The following KCNIP4 variants were observed in gnomAD, a reference collection of about 807,000 sequenced individuals.
KCNIP4 encodes the protein Kv channel-interacting protein 4.
Under a neutral mutation model 34.0 loss-of-function variants are expected in KCNIP4, and 12 were observed. The observed-to-expected ratio is 0.35, with a 90% CI of 0.23 to 0.57. KCNIP4 has a LOEUF of 0.57. Ranked by LOEUF, KCNIP4 falls within the 20% of genes least tolerant of loss-of-function variation. The pLI, the probability that KCNIP4 is intolerant of heterozygous loss-of-function variation, is 0.83. For synonymous variants in KCNIP4, 124 were observed against 102.2 expected (o/e 1.21, Z -1.29); for missense variants, 238 against 311.7 (o/e 0.76, Z 1.78).
chr4:21,942,439 T>C (rs112402860), intron 1 of KCNIP4, among the ~76,000 whole-genome samples: 87 of 152,310 alleles, frequency 5.7e-4, no homozygotes, highest in African/African-American at 1.5e-3. Flanking sequence ...AAAGATGACA[T>C]TGATGACTGC....
At chr4:21,521,260 T>C (rs1735500294) in intron 1 of KCNIP4, among the ~76,000 whole-genome samples, 1 of 152,192 alleles carries the variant, frequency 6.6e-6, no homozygotes, top group African/African-American at 2.4e-5. Flanking sequence ...TGTAATTTAA[T>C]ATAAACTCTC....
At chr4:21,660,876 T>C (rs185102364) in intron 1 of KCNIP4, among the ~76,000 whole-genome samples, 48 of 152,242 alleles carry the variant, frequency 3.2e-4, no homozygotes, top group African/African-American at 1.1e-3. Flanking sequence ...GAAATACTGG[T>C]TAGAAAAGGG....
intron 1 of KCNIP4, among the ~76,000 whole-genome samples, chr4:21,557,431 G>A (rs1739157323): frequency 1.3e-5 from 2 of 152,248 alleles, no homozygotes; most frequent in South Asian, 2.1e-4. Context: ...ACATGGCTAT[G>A]TAAAAAACAT....
At chr4:21,755,319 C>A (rs796318755) in intron 1 of KCNIP4, among the ~76,000 whole-genome samples, 37 of 152,254 alleles carry the variant, frequency 2.4e-4, no homozygotes, top group African/African-American at 7.2e-4. Flanking sequence ...ATAAATGTAA[C>A]GTTTCTGGCA....
chr4:21,437,976 T>C (rs373502735), intron 1 of KCNIP4, among the ~76,000 whole-genome samples: 29 of 152,152 alleles, frequency 1.9e-4, no homozygotes, highest in African/African-American at 7.0e-4. Flanking sequence ...GCTCTTGTTA[T>C]TTTAGTTCAT....
At chr4:20,734,790 A>G (rs1749182372) in intron 5 of KCNIP4, 55 bp from the exon 6 acceptor site, 3 of 1,068,508 alleles carry the variant, frequency 2.8e-6, no homozygotes, top group East Asian at 2.5e-5. Context: ...AACAAAAACA[A>G]AAAAAACAAA....
intron 1 of KCNIP4, among the ~76,000 whole-genome samples, chr4:21,724,947 C>T (rs1308395624): frequency 1.3e-5 from 2 of 152,076 alleles, no homozygotes; most frequent in African/African-American, 4.8e-5. Flanking sequence ...TTTGAGCTTC[C>T]TCTACTCAGT....
chr4:21,414,263 A>G (rs1401069189), intron 1 of KCNIP4, among the ~76,000 whole-genome samples: 2 of 152,210 alleles, frequency 1.3e-5, no homozygotes, highest in Non-Finnish European at 1.5e-5. Flanking sequence ...AGATGTATAC[A>G]TATCTTAGAG....
chr4:21,488,328 T>C (rs548612095), intron 1 of KCNIP4, among the ~76,000 whole-genome samples: 3 of 152,284 alleles, frequency 2.0e-5, no homozygotes, highest in African/African-American at 7.2e-5. Flanking sequence ...GATTCCAGTA[T>C]ACATCTATAG....
At chr4:21,784,195 C>T (rs1719753344) in intron 1 of KCNIP4, among the ~76,000 whole-genome samples, 1 of 152,086 alleles carries the variant, frequency 6.6e-6, no homozygotes, top group African/African-American at 2.4e-5. Flanking sequence ...TGAGAACCCA[C>T]TCACTATCAC....
chr4:21,105,964 T>C (rs532989824), intron 1 of KCNIP4, among the ~76,000 whole-genome samples: 56 of 151,602 alleles, frequency 3.7e-4, no homozygotes, highest in Middle Eastern at 3.4e-3. Context: ...TCATGGTGGA[T>C]AAGCTTTTTG....
Position 20,784,761 on chromosome 4 carries a change from T to C in KCNIP4, c.289-25871A>G, listed in dbSNP as rs536846872. ...TTTCTTGCTGTCAGTTGGCTCACAATCGAGTGGAAAGCAAAGATGCATTCA... is the reference window on the plus strand; with the variant it reads ...TTTCTTGCTGTCAGTTGGCTCACAACCGAGTGGAAAGCAAAGATGCATTCA... On this transcript the variant is annotated intron_variant, in intron 3 of 8. Transcript: ENST00000382152. Among the ~76,000 whole-genome samples the C allele has an allele frequency of 7.4e-4, 112 of 152,218 alleles. No homozygotes were observed. In the South Asian group the frequency reaches 9.3e-3, roughly 13 times the overall value.
chr4:20,786,659 A>G (rs773923930), intron 3 of KCNIP4, among the ~76,000 whole-genome samples: 17 of 152,186 alleles, frequency 1.1e-4, no homozygotes, highest in Middle Eastern at 3.2e-3. Context: ...TTGCAAAAAT[A>G]AAAAAGACAA....
chr4:21,006,409 C>A (rs9999636), intron 1 of KCNIP4, among the ~76,000 whole-genome samples: 3,566 of 152,164 alleles, frequency 0.023, 148 homozygotes, highest in African/African-American at 0.081. Context: ...CAGCACATAC[C>A]ATGTAAAAGA....
At chr4:21,400,583 T>TG (rs1723468503) in intron 1 of KCNIP4, among the ~76,000 whole-genome samples, 4 of 140,324 alleles carry the variant, frequency 2.9e-5, no homozygotes, top group African/African-American at 1.1e-4. Flanking sequence ...CTCTTCGTTC[T>TG]TTCTTTCTTC....
intron 1 of KCNIP4, among the ~76,000 whole-genome samples, chr4:21,109,984 T>A (rs1017802127): frequency 6.6e-6 from 1 of 152,124 alleles, no homozygotes; most frequent in Admixed American, 6.5e-5. Flanking sequence ...ATACACAAAT[T>A]TGTTGTTAGG....
At chr4:20,865,086 T>G (rs1215671895) in intron 2 of KCNIP4, among the ~76,000 whole-genome samples, 4 of 152,064 alleles carry the variant, frequency 2.6e-5, no homozygotes, top group Admixed American at 6.6e-5. Flanking sequence ...TGTATAAATA[T>G]TGTCACCCTG....
chr4:20,845,085 C>T (rs112130038), intron 3 of KCNIP4, among the ~76,000 whole-genome samples: 18 of 152,166 alleles, frequency 1.2e-4, no homozygotes, highest in Admixed American at 2.0e-4. Context: ...CTATGTGACC[C>T]CCAGTGAGTC....
chr4:21,646,606 C>T (rs1747040332), intron 1 of KCNIP4, among the ~76,000 whole-genome samples: 1 of 152,086 alleles, frequency 6.6e-6, no homozygotes, highest in South Asian at 2.1e-4. Flanking sequence ...CTGGTATTTA[C>T]ATTTTCAATT....
Sources: allele counts gnomAD v4.1 joint callset (sites outside exome capture counted in the v4.1 genomes callset), GRCh38; gene constraint gnomAD v4.1.1; transcripts MANE v1.5; gene names NCBI Gene and HGNC (gene_info 2026-07-23, HGNC 2026-07-21).